Variants in HS6ST2 observed in about 807,000 individuals in gnomAD.
HS6ST2 encodes the protein heparan sulfate 6-O-sulfotransferase 2, also known as heparan-sulfate 6-O-sulfotransferase 2.
HS6ST2 carries 17 observed loss-of-function variants against 33.0 expected under a neutral mutation model. The ratio of observed to expected loss-of-function variants is 0.52; its 90% CI spans 0.35 to 0.77. HS6ST2 has a LOEUF of 0.77. HS6ST2 is among the 30% of genes least tolerant of loss of function. HS6ST2 has a pLI of 0.01. For synonymous variants in HS6ST2, 248 were observed against 237.1 expected (o/e 1.05, Z -0.42); for missense variants, 519 against 551.7 (o/e 0.94, Z 0.59).
intron 2 of HS6ST2, among the ~76,000 whole-genome samples, chrX:132,901,597 A>T (rs1027233399): frequency 8.9e-6 from 1 of 111,761 alleles, no homozygotes; most frequent in African/African-American, 3.3e-5. Context: ...TCATATTTTC[A>T]GTACTGGGCA....
intron 2 of HS6ST2, among the ~76,000 whole-genome samples, chrX:132,917,456 G>A (rs916319766): frequency 1.8e-5 from 2 of 110,374 alleles, no homozygotes; most frequent in African/African-American, 3.3e-5. Context: ...AAAAATTAGC[G>A]GGGCATGGTG....
chrX:132,720,252 G>T lies in HS6ST2; in HGVS notation c.948-11758C>A, dbSNP rs771096798. The stretch of plus-strand genomic sequence containing the variant: ...TAAGTGGCACATCATTAGACTGCTT[G>T]CTCATTCCTCCTCATGAAAATGTGG... On this transcript the variant is annotated intron_variant, in intron 2 of 4. Coordinates refer to ENST00000370833, the MANE Select transcript of HS6ST2 (RefSeq NM_001394073.1). Among the ~76,000 whole-genome samples, 13 of 112,237 alleles carry T rather than the reference G, an allele frequency of 1.2e-4. No homozygotes were observed. The South Asian group carries it at 2.2e-3, about 19-fold the overall frequency.
chrX:132,637,098 G>C (rs1474526443), intron 4 of HS6ST2, among the ~76,000 whole-genome samples: 1 of 111,936 alleles, frequency 8.9e-6, no homozygotes, highest in Non-Finnish European at 1.9e-5. Context: ...CTAATTCTAT[G>C]AGTTAACTAA....
intron 3 of HS6ST2, among the ~76,000 whole-genome samples, chrX:132,679,795 T>A (rs901464373): frequency 1.8e-5 from 2 of 108,674 alleles, no homozygotes; most frequent in Admixed American, 2.0e-4. Flanking sequence ...GCGCGTATTC[T>A]CTTTCCCAGG....
chrX:132,945,186 TGG>T (rs1337594239), intron 2 of HS6ST2, among the ~76,000 whole-genome samples: 1 of 111,854 alleles, frequency 8.9e-6, no homozygotes, highest in Non-Finnish European at 1.9e-5. Flanking sequence ...CATCAACAAG[TGG>T]GCAAAGGATA....
intron 2 of HS6ST2, among the ~76,000 whole-genome samples, chrX:132,860,826 C>T (rs1204502111): frequency 1.2e-5 from 1 of 85,507 alleles, no homozygotes; most frequent in Non-Finnish European, 2.2e-5. Flanking sequence ...CTTGCTGTGT[C>T]ACCCAGGCTG....
intron 2 of HS6ST2, among the ~76,000 whole-genome samples, chrX:132,800,185 T>G (rs1255683273): frequency 1.8e-5 from 2 of 111,745 alleles, no homozygotes; most frequent in African/African-American, 3.3e-5. Flanking sequence ...CTGCCTGAGC[T>G]CTGTTCTGCC....
At chrX:132,766,460 G>A (rs1440582145) in intron 2 of HS6ST2, among the ~76,000 whole-genome samples, 4 of 111,727 alleles carry the variant, frequency 3.6e-5, no homozygotes, top group Non-Finnish European at 1.9e-5. Flanking sequence ...GGCTCTGGAG[G>A]ACAATGTCAC....
intron 4 of HS6ST2, among the ~76,000 whole-genome samples, chrX:132,630,852 C>T (rs975260462): frequency 2.7e-5 from 3 of 110,862 alleles, no homozygotes; most frequent in Middle Eastern, 4.2e-3. Context: ...GGCTGAGGCA[C>T]GAGAATCACT....
chrX:132,780,214 C>T (rs1162179970), intron 2 of HS6ST2, among the ~76,000 whole-genome samples: 3 of 108,808 alleles, frequency 2.8e-5, no homozygotes, highest in Admixed American at 9.7e-5. Flanking sequence ...CTGCCATCTC[C>T]CTCCCTGTGT....
At chrX:132,798,065 C>T (rs751778727) in intron 2 of HS6ST2, among the ~76,000 whole-genome samples, 4 of 66,112 alleles carry the variant, frequency 6.1e-5, no homozygotes, top group African/African-American at 1.8e-4. Context: ...GGGCGGGGGG[C>T]GGGAGTGTCC....
Position 132,945,447 on chromosome X carries a change from C to T in HS6ST2, c.947+11361G>A, listed in dbSNP as rs1286116491. ...TCAACCATTGTGGAAGTCAGTGTGG[C>T]GATTCCTCAGGGATCTAGAACTAGA... On this transcript the variant is annotated intron_variant, in intron 2 of 4. Coordinates refer to ENST00000370833, the MANE Select transcript of HS6ST2 (RefSeq NM_001394073.1). Among the ~76,000 whole-genome samples the T allele has an allele frequency of 3.6e-5, 4 of 111,488 alleles. No individual in the cohort carries two copies. The South Asian group carries it at 1.1e-3, about 32-fold the overall frequency.
intron 2 of HS6ST2, among the ~76,000 whole-genome samples, chrX:132,835,967 C>T (rs2065639681): frequency 9.0e-6 from 1 of 111,675 alleles, no homozygotes; most frequent in African/African-American, 3.3e-5. Context: ...TGTTTCGATG[C>T]CTCACATATT....
chrX:132,923,597 G>A (rs917286753), intron 2 of HS6ST2, among the ~76,000 whole-genome samples: 1 of 111,642 alleles, frequency 9.0e-6, no homozygotes, highest in Non-Finnish European at 1.9e-5. Context: ...CTTAATTTGA[G>A]ACAACATATT....
intron 2 of HS6ST2, among the ~76,000 whole-genome samples, chrX:132,825,220 A>G (rs1431979235): frequency 2.7e-5 from 3 of 111,557 alleles, no homozygotes; most frequent in Admixed American, 9.6e-5. Context: ...AGATCCCAGT[A>G]TTCTAGTATG....
intron 2 of HS6ST2, among the ~76,000 whole-genome samples, chrX:132,938,846 T>C (rs1167931401): frequency 1.2e-4 from 13 of 112,018 alleles, no homozygotes; most frequent in Non-Finnish European, 2.4e-4. Context: ...ATAAGCATGT[T>C]GTATTAGTCC....
At chrX:132,812,918 C>T (rs1253470375) in intron 2 of HS6ST2, among the ~76,000 whole-genome samples, 1 of 109,441 alleles carries the variant, frequency 9.1e-6, no homozygotes, top group African/African-American at 3.3e-5. Context: ...CGTTATCCCC[C>T]GATTTCTCCC....
chrX:132,896,091 G>C (rs767555275), intron 2 of HS6ST2, among the ~76,000 whole-genome samples: 1 of 111,231 alleles, frequency 9.0e-6, no homozygotes, highest in Non-Finnish European at 1.9e-5. Context: ...AGGAGACAGA[G>C]AGTAGAAGGA....
chrX:132,637,731 CTA>C (rs1347346120), intron 4 of HS6ST2, among the ~76,000 whole-genome samples: 1 of 72,756 alleles, frequency 1.4e-5, no homozygotes, highest in African/African-American at 5.4e-5. Flanking sequence ...TATATATGTG[CTA>C]TATATATATA....
Sources: gnomAD v4.1 joint callset for allele counts (sites outside exome capture counted in the v4.1 genomes callset) on GRCh38, gnomAD v4.1.1 for gene constraint, MANE v1.5 for transcripts, NCBI Gene and HGNC (gene_info 2026-07-23, HGNC 2026-07-21) for gene names.